The following TMEM150C variants were observed in gnomAD, a reference collection of about 807,000 sequenced individuals.
TMEM150C encodes the protein transmembrane protein 150C.
In TMEM150C, 10 loss-of-function variants were observed where a neutral mutation model predicts 29.9. That is an observed-to-expected ratio of 0.33 (90% CI 0.21 to 0.57). The LOEUF is 0.57. Ranked by LOEUF, TMEM150C falls within the 20% of genes least tolerant of loss-of-function variation. The pLI is 0.88. For synonymous variants in TMEM150C, 101 were observed against 112.5 expected, an observed-to-expected ratio of 0.90 and a Z score of 0.64; for missense variants, 251 against 303.6, an observed-to-expected ratio of 0.83 and a Z score of 1.29.
chr4:82,494,253 AC>A (rs1435589543), intron 6 of TMEM150C, among the ~76,000 whole-genome samples: 3 of 152,222 alleles, frequency 2.0e-5, no homozygotes, highest in Non-Finnish European at 4.4e-5. Context: ...TCAGTCAACC[AC>A]TGTCATAGTA....
At chr4:82,530,444 T>C (rs958026527) in intron 1 of TMEM150C, among the ~76,000 whole-genome samples, 2 of 151,856 alleles carry the variant, frequency 1.3e-5, no homozygotes, top group African/African-American at 2.4e-5. Context: ...GTAGTCCCAG[T>C]TACTCGGGAG....
intron 7 of TMEM150C, among the ~76,000 whole-genome samples, chr4:82,489,694 C>T (rs568780582): frequency 1.6e-4 from 25 of 152,042 alleles, no homozygotes; most frequent in Non-Finnish European, 3.7e-4. Context: ...ATAACAGGGC[C>T]ATTAATAAAG....
chr4:82,511,472 AT>A (rs397935719), intron 1 of TMEM150C, among the ~76,000 whole-genome samples: 1,427 of 106,334 alleles, frequency 0.013, 16 homozygotes, highest in Non-Finnish European at 0.017. Context: ...TCCCAACACT[AT>A]TTTTTTTTTT....
At position 82,485,678 on chromosome 4, in the gene TMEM150C, T is replaced by C; in HGVS notation, c.583A>G (p.Arg195Gly). The part of the protein sequence containing the change: ...MAQSIHMYAA[R>G]VQWGLVMCFL... The stretch of plus-strand genomic sequence containing the variant: ...CACATGACCAGGCCCCACTGGACCC[T>C]GGCTGCATACATGTGGATGCTTTGG... The change falls in exon 8 of 8, where the codon AGG becomes GGG. Residue 195 changes from arginine (R) to glycine (G), a missense_variant. Transcript: ENST00000449862. The C allele has an allele frequency of 6.2e-7, 1 of 1,609,692 alleles. No individual in the cohort carries two copies. Among genetic ancestry groups the C allele is most frequent in the Non-Finnish European group, 8.5e-7 (1 of 1,178,114 alleles).
chr4:82,558,765 G>A (rs55945352), intron 1 of TMEM150C, among the ~76,000 whole-genome samples: 18,704 of 152,202 alleles, frequency 0.12, 1,448 homozygotes, highest in African/African-American at 0.21. Context: ...ATCAGCTCCA[G>A]GAGTAAAAAT....
chr4:82,484,112 T>C lies in TMEM150C; in HGVS notation c.*1399A>G, dbSNP rs1723084512. The C allele has an allele frequency of 6.6e-6, 1 of 152,146 alleles. No individual in the cohort carries two copies. Among genetic ancestry groups the C allele is most frequent in the Non-Finnish European group, 1.5e-5 (1 of 68,046 alleles). The allele number at this position is 152,146 out of a possible 1,614,324, so 9.4% of individuals were successfully genotyped here. ...AGCCTAAAAAATGTTTTTCATATTA[T>C]ATTCCAGGTAATCCCAGACCTCTAT... On this transcript the variant is annotated 3_prime_UTR_variant, in exon 8 of 8. Transcript: ENST00000449862.
At chr4:82,495,015 G>A (rs898888688) in intron 6 of TMEM150C, 8 of 994,632 alleles carry the variant, frequency 8.0e-6, no homozygotes, top group Admixed American at 2.3e-5. Flanking sequence ...CAGAGCAATA[G>A]GCTGCTGTTT....
At chr4:82,554,263 A>G (rs1040248965) in intron 1 of TMEM150C, among the ~76,000 whole-genome samples, 4 of 152,212 alleles carry the variant, frequency 2.6e-5, no homozygotes, top group African/African-American at 9.6e-5. Context: ...ACTAGAATTT[A>G]GAAATTCCAG....
intron 7 of TMEM150C, among the ~76,000 whole-genome samples, chr4:82,488,921 A>ATTAT (rs1309553871): frequency 6.6e-6 from 1 of 151,776 alleles, no homozygotes; most frequent in Admixed American, 6.6e-5. Context: ...CCAGGCCTTT[A>ATTAT]TTATTTATTT....
intron 1 of TMEM150C, among the ~76,000 whole-genome samples, chr4:82,559,327 T>C (rs1039970608): frequency 1.3e-5 from 2 of 151,800 alleles, no homozygotes; most frequent in East Asian, 1.9e-4. Context: ...GGTGGCTCAA[T>C]TGAGGTCAAG....
rs547022283 is a variant in TMEM150C at position 82,495,170 on chromosome 4, C to T, written c.363+898G>A. 29 of 391,768 alleles carry T rather than the reference C, an allele frequency of 7.4e-5. 2 individuals are homozygous for T. The South Asian group carries it at 9.7e-4, about 13-fold the overall frequency. The allele number at this position is 391,768 out of a possible 1,614,324, so 24.3% of individuals were successfully genotyped here. On this transcript the variant is annotated intron_variant, in intron 6 of 7. Coordinates refer to ENST00000449862, the MANE Select transcript of TMEM150C (RefSeq NM_001080506.3). Reference sequence around the variant, plus strand: ...AGACACTGAAAAGTTTGACCAGGCGCGGTGGCTCAGGCCTGTAATCCCAGC... The same window carrying T: ...AGACACTGAAAAGTTTGACCAGGCGTGGTGGCTCAGGCCTGTAATCCCAGC...
intron 1 of TMEM150C, among the ~76,000 whole-genome samples, chr4:82,535,394 T>C (rs1036559521): frequency 6.6e-6 from 1 of 152,192 alleles, no homozygotes; most frequent in Non-Finnish European, 1.5e-5. Context: ...GGTGAAGCTG[T>C]CAAGACCTGA....
At chr4:82,538,574 T>G (rs1246485745) in intron 1 of TMEM150C, among the ~76,000 whole-genome samples, 1 of 152,192 alleles carries the variant, frequency 6.6e-6, no homozygotes, top group Admixed American at 6.5e-5. Flanking sequence ...ACATATGATA[T>G]ATACTTATTG....
intron 1 of TMEM150C, among the ~76,000 whole-genome samples, chr4:82,513,386 T>G (rs1724192637): frequency 6.6e-6 from 1 of 151,966 alleles, no homozygotes; most frequent in Non-Finnish European, 1.5e-5. Flanking sequence ...CAAAAAGGAA[T>G]AGCGGGAATG....
At chr4:82,500,785 C>T (rs1723712942) in intron 5 of TMEM150C, among the ~76,000 whole-genome samples, 1 of 152,230 alleles carries the variant, frequency 6.6e-6, no homozygotes, top group Non-Finnish European at 1.5e-5. Flanking sequence ...TTGTCTTAAG[C>T]ATACAAAGGA....
At chr4:82,533,201 C>T (rs1724906039) in intron 1 of TMEM150C, among the ~76,000 whole-genome samples, 1 of 152,136 alleles carries the variant, frequency 6.6e-6, no homozygotes, top group Non-Finnish European at 1.5e-5. Flanking sequence ...CTGCCTGATT[C>T]CCTCACTAAT....
intron 1 of TMEM150C, among the ~76,000 whole-genome samples, chr4:82,505,657 A>G (rs1042233994): frequency 2.6e-5 from 4 of 152,224 alleles, no homozygotes; most frequent in Non-Finnish European, 5.9e-5. Flanking sequence ...CAGCAATCGC[A>G]GGAGACTAAA....
intron 5 of TMEM150C, among the ~76,000 whole-genome samples, chr4:82,500,550 C>A (rs996589979): frequency 1.3e-5 from 2 of 152,032 alleles, no homozygotes; most frequent in African/African-American, 4.8e-5. Context: ...TACCTTCGAG[C>A]AAGAGCTAGC....
intron 1 of TMEM150C, among the ~76,000 whole-genome samples, chr4:82,519,040 T>C (rs1724389740): frequency 1.3e-5 from 2 of 152,238 alleles, no homozygotes; most frequent in African/African-American, 4.8e-5. Context: ...ATTCTCAGTG[T>C]GTCTGAACAG....
Sources: allele counts gnomAD v4.1 joint callset (sites outside exome capture counted in the v4.1 genomes callset), GRCh38; gene constraint gnomAD v4.1.1; transcripts MANE v1.5; gene names NCBI Gene and HGNC (gene_info 2026-07-23, HGNC 2026-07-21).